CEP63: variants seen among roughly 807,000 people sequenced by gnomAD.
CEP63 encodes centrosomal protein of 63 kDa.
In CEP63, 84 loss-of-function variants were observed where a neutral mutation model predicts 89.1. The observed-to-expected ratio is 0.94, with a 90% CI of 0.79 to 1.13. The LOEUF (loss-of-function observed/expected upper bound fraction) is 1.13, where lower values mean the gene tolerates loss of function less well. Ranked by LOEUF, CEP63 falls within the 50% of genes most tolerant of loss-of-function variation. CEP63 has a pLI of 0.00. For missense variants in CEP63, 838 were observed against 813.3 expected, an observed-to-expected ratio of 1.03 and a Z score of -0.37; for synonymous variants, 267 against 272.5, an observed-to-expected ratio of 0.98 and a Z score of 0.20.
chr3:134,780,251 A>T, the CEP63 span, among the ~76,000 whole-genome samples: 1 of 152,150 alleles, frequency 6.6e-6, no homozygotes, highest in Non-Finnish European at 1.5e-5. Flanking sequence ...TTAACACTGG[A>T]TGCTTTTTTG....
chr3:134,486,384 G>GT (rs1935372510), intron 1 of CEP63, 182 bp downstream of exon 1: 2 of 985,456 alleles, frequency 2.0e-6, no homozygotes, highest in Non-Finnish European at 2.4e-6. Context: ...ACCACCAGGC[G>GT]CGTCCCCGCC....
the CEP63 span, among the ~76,000 whole-genome samples, chr3:134,752,064 A>G: frequency 1.3e-5 from 2 of 152,136 alleles, no homozygotes; most frequent in Admixed American, 6.5e-5. Context: ...TTGAGGGTGG[A>G]TGGACTTCCT....
intron 12 of CEP63, among the ~76,000 whole-genome samples, chr3:134,555,096 T>C (rs1955858647): frequency 6.6e-6 from 1 of 151,674 alleles, no homozygotes; most frequent in Non-Finnish European, 1.5e-5. Flanking sequence ...AAACTCTCAA[T>C]AAATTAGGTA....
intron 3 of CEP63, 31 bp downstream of exon 3, chr3:134,507,317 C>A: frequency 6.6e-7 from 1 of 1,526,500 alleles, no homozygotes; most frequent in Non-Finnish European, 9.1e-7. Context: ...TTCTTTTTGA[C>A]ATTTTTATCT....
chr3:134,758,061 A>T, the CEP63 span, among the ~76,000 whole-genome samples: 4 of 152,132 alleles, frequency 2.6e-5, no homozygotes, highest in Non-Finnish European at 5.9e-5. Context: ...TAAGGTGCCC[A>T]CCCTGCTTCT....
intron 5 of CEP63, 31 bp downstream of exon 5, chr3:134,532,931 G>A (rs1336378225): frequency 5.0e-6 from 8 of 1,611,034 alleles, no homozygotes; most frequent in Non-Finnish European, 5.9e-6. Context: ...TGTTCATAGT[G>A]ATTGTCAGCC....
chr3:134,613,406 G>A, the CEP63 span, among the ~76,000 whole-genome samples: 1 of 152,174 alleles, frequency 6.6e-6, no homozygotes, highest in Non-Finnish European at 1.5e-5. Flanking sequence ...CCCCAGCCCT[G>A]GAAAGGAGAG....
the CEP63 span, among the ~76,000 whole-genome samples, chr3:134,614,869 C>T: frequency 1.1e-4 from 17 of 152,158 alleles, no homozygotes; most frequent in South Asian, 8.3e-4. Flanking sequence ...GGGCTCTGAC[C>T]GCAGTAGACT....
the CEP63 span, among the ~76,000 whole-genome samples, chr3:134,652,774 G>T: frequency 7.9e-5 from 12 of 152,126 alleles, no homozygotes; most frequent in African/African-American, 2.7e-4. Context: ...GCAGATCTCA[G>T]GTCCCAGAGT....
the CEP63 span, among the ~76,000 whole-genome samples, chr3:134,638,939 C>T: frequency 1.1e-3 from 164 of 151,576 alleles, no homozygotes; most frequent in Middle Eastern, 7.0e-3. Context: ...CACATGCACA[C>T]GGGTGTATAT....
At chr3:134,669,086 G>A in the CEP63 span, among the ~76,000 whole-genome samples, 147 of 152,180 alleles carry the variant, frequency 9.7e-4, no homozygotes, top group African/African-American at 3.2e-3. Context: ...TCAGTGGCAT[G>A]GTGGTCACTG....
chr3:134,602,602 C>G, the CEP63 span, among the ~76,000 whole-genome samples: 1 of 152,210 alleles, frequency 6.6e-6, no homozygotes, highest in Non-Finnish European at 1.5e-5. Context: ...CTCACCTGAT[C>G]TGCGCCCAGG....
upstream of CEP63, chr3:134,485,968 C>A: frequency 1.0e-6 from 1 of 972,466 alleles, no homozygotes; most frequent in African/African-American, 1.9e-5. Flanking sequence ...CCGGCCACCG[C>A]GGCAGACGCT....
intron 3 of CEP63, among the ~76,000 whole-genome samples, chr3:134,530,149 A>G (rs1949568891): frequency 6.6e-6 from 1 of 152,184 alleles, no homozygotes; most frequent in South Asian, 2.1e-4. Flanking sequence ...CTGGGATTAC[A>G]GGCATGAGCC....
chr3:134,584,298 G>T (rs1223143210), intron 10 of CEP63, among the ~76,000 whole-genome samples: 1 of 152,086 alleles, frequency 6.6e-6, no homozygotes, highest in Non-Finnish European at 1.5e-5. Flanking sequence ...ATTCAGTATG[G>T]TATCGGCTGT....
the CEP63 span, among the ~76,000 whole-genome samples, chr3:134,623,079 G>T: frequency 6.6e-6 from 1 of 152,302 alleles, no homozygotes; most frequent in Admixed American, 6.5e-5. Flanking sequence ...ATGGTACTCA[G>T]CATTGCAGGC....
intron 6 of CEP63, among the ~76,000 whole-genome samples, chr3:134,545,368 G>T (rs1040328404): frequency 1.3e-5 from 2 of 151,872 alleles, no homozygotes; most frequent in Non-Finnish European, 2.9e-5. Flanking sequence ...GAGCTCAAGC[G>T]ATCTGCCTGC....
chr3:134,621,637 C>A, the CEP63 span, among the ~76,000 whole-genome samples: 9 of 152,284 alleles, frequency 5.9e-5, no homozygotes, highest in South Asian at 1.2e-3. Context: ...TGGGGTTAAT[C>A]TTCATGACCT....
the CEP63 span, among the ~76,000 whole-genome samples, chr3:134,689,063 A>G: frequency 1.3e-5 from 2 of 152,180 alleles, no homozygotes; most frequent in Non-Finnish European, 2.9e-5. Context: ...GGCACAACAC[A>G]GTTATCTCCA....
Sources: gnomAD v4.1 joint callset for allele counts (sites outside exome capture counted in the v4.1 genomes callset) on GRCh38, gnomAD v4.1.1 for gene constraint, MANE v1.5 for transcripts, NCBI Gene and HGNC (gene_info 2026-07-23, HGNC 2026-07-21) for gene names.